Variants in SIAE observed in about 807,000 individuals in gnomAD.
SIAE encodes sialic acid acetylesterase.
SIAE carries 39 observed loss-of-function variants against 52.6 expected under a neutral mutation model. The observed-to-expected ratio is 0.74, with a 90% CI of 0.57 to 0.97. The LOEUF (loss-of-function observed/expected upper bound fraction) is 0.97. Among genes scored for constraint, SIAE ranks in the 50% least tolerant of loss-of-function variants. SIAE has a pLI of 0.00. For missense variants in SIAE, 592 were observed against 662.1 expected (o/e 0.89, Z 1.16); for synonymous variants, 233 against 241.4 (o/e 0.97, Z 0.32).
upstream of SIAE, chr11:124,674,069 A>G (rs967922874): frequency 1.1e-5 from 3 of 265,698 alleles, no homozygotes; most frequent in South Asian, 1.6e-4. Context: ...TTGGGAGCCG[A>G]GGCAGCCCAT....
chr11:124,651,145 G>T (rs1591388650), intron 4 of SIAE, among the ~76,000 whole-genome samples: 1 of 152,126 alleles, frequency 6.6e-6, no homozygotes, highest in African/African-American at 2.4e-5. Flanking sequence ...TAATTAAATG[G>T]ACAGAGCACC....
chr11:124,672,971 T>C (rs1018684521), intron 1 of SIAE, among the ~76,000 whole-genome samples: 2 of 152,198 alleles, frequency 1.3e-5, no homozygotes, highest in Admixed American at 6.5e-5. Flanking sequence ...CTCCATACTG[T>C]GACCCAGTGT....
Position 124,639,731 on chromosome 11 carries a change from T to C in SIAE, c.1103A>G (p.Asp368Gly), listed in dbSNP as rs759165250. 13 of 1,614,112 alleles carry C rather than the reference T, an allele frequency of 8.1e-6. No individual in the cohort carries two copies. Among genetic ancestry groups the C allele is most frequent in the Admixed American group, 1.7e-5 (1 of 60,028 alleles). ...TFMAVAMDLC[D>G]RDSPFGSIHP... is the part of the protein sequence containing the mutation. The stretch of plus-strand genomic sequence containing the variant: ...ATACCTGCCAAAAGGCGAGTCTCTA[T>C]CACAGAGATCCATAGCTACAGCCAT... Residue 368 changes from aspartate (D) to glycine (G), a missense_variant, in exon 8 of 10, where the codon GAT becomes GGT. By Grantham distance (94) the Asp-to-Gly change is moderately conservative (BLOSUM62 -1). Transcript: ENST00000263593.
At chr11:124,647,601 A>G (rs1318198964) in intron 6 of SIAE, 103 bp from the exon 7 acceptor site, 1 of 1,404,894 alleles carries the variant, frequency 7.1e-7, no homozygotes, top group Admixed American at 1.8e-5. Flanking sequence ...TGGTCTTCCC[A>G]CGGTCTCTCT....
At chr11:124,658,485 T>G (rs1296499856) in intron 3 of SIAE, among the ~76,000 whole-genome samples, 1 of 152,186 alleles carries the variant, frequency 6.6e-6, no homozygotes, top group Non-Finnish European at 1.5e-5. Context: ...TTCTGAGATA[T>G]TGAAAAATGG....
At position 124,638,569 on chromosome 11, in the gene SIAE, C is replaced by T. The variant is rs1433589196; in HGVS notation, c.1293G>A (p.Val431=). ...CAAATATCTTGTTGTCCTTTTTCTG[C>T]ACCTGGATTTGCTGGTAATATGTGA... ...LNLTYYQQIQ[V]QKKDNKIFEI... The change falls in exon 9 of 10, where the codon GTG becomes GTA. Residue 431 remains valine, a synonymous_variant. Coordinates refer to ENST00000263593, the MANE Select transcript of SIAE (RefSeq NM_170601.5). The T allele has an allele frequency of 1.2e-6, 2 of 1,614,140 alleles. No homozygotes were observed. Among genetic ancestry groups the T allele is most frequent in the Non-Finnish European group, 8.5e-7 (1 of 1,180,008 alleles).
chr11:124,638,788 C>T, intron 8 of SIAE, 51 bp from the exon 9 acceptor site: 1 of 1,461,458 alleles, frequency 6.8e-7, no homozygotes, highest in Non-Finnish European at 9.6e-7. Flanking sequence ...TCAACAATCA[C>T]CACATTTTTT....
intron 4 of SIAE, among the ~76,000 whole-genome samples, chr11:124,650,974 C>A (rs1249905445): frequency 6.6e-6 from 1 of 152,050 alleles, no homozygotes; most frequent in African/African-American, 2.4e-5. Context: ...CAAGAGTGAG[C>A]AATTTCATGT....
In SIAE at chr11:124,672,777, A is replaced by G. The variant is rs536594651; in HGVS notation, c.67+865T>C. Reference sequence around the variant, plus strand: ...TATGGGCTGCAGTTTGTCTGAATCTAGGTACTTTTCCGGCTCTCAGGTAGA... The same window carrying G: ...TATGGGCTGCAGTTTGTCTGAATCTGGGTACTTTTCCGGCTCTCAGGTAGA... On this transcript the variant is annotated intron_variant, in intron 1 of 9. Coordinates refer to ENST00000263593, the MANE Select transcript of SIAE (RefSeq NM_170601.5). 2.0e-5 allele frequency among the ~76,000 whole-genome samples: 3 copies of G among 152,264 alleles called. No individual in the cohort carries two copies. In the South Asian group the frequency reaches 6.2e-4, roughly 32 times the overall value.
intron 2 of SIAE, among the ~76,000 whole-genome samples, chr11:124,663,716 T>G (rs543989476): frequency 1.1e-4 from 17 of 152,336 alleles, no homozygotes; most frequent in African/African-American, 3.8e-4. Context: ...TCATAAGAAC[T>G]GGCTGGTCCT....
chr11:124,633,524 G>C lies in SIAE; in HGVS notation c.*3427C>G, dbSNP rs778349390. On this transcript the variant is annotated 3_prime_UTR_variant, in exon 10 of 10. Coordinates refer to ENST00000263593, the MANE Select transcript of SIAE (RefSeq NM_170601.5). Reference sequence around the variant, plus strand: ...ATTGCCAATTGAGGACAACACAAATGGGATTGGTACTTTATAGTAATAAAT... The same window carrying C: ...ATTGCCAATTGAGGACAACACAAATCGGATTGGTACTTTATAGTAATAAAT... 2 of 152,208 alleles carry C rather than the reference G, an allele frequency of 1.3e-5. No homozygotes were observed. Among genetic ancestry groups the C allele is most frequent in the East Asian group, 3.8e-4 (2 of 5,198 alleles). The allele number at this position is 152,208 out of a possible 1,614,324, so 9.4% of individuals were successfully genotyped here.
intron 9 of SIAE, among the ~76,000 whole-genome samples, chr11:124,637,442 G>A (rs1462631493): frequency 6.6e-6 from 1 of 152,112 alleles, no homozygotes; most frequent in Non-Finnish European, 1.5e-5. Flanking sequence ...ATTTACTGAG[G>A]GAGACAAGGA....
chr11:124,665,017 C>A (rs1434472382), intron 2 of SIAE, among the ~76,000 whole-genome samples: 2 of 152,088 alleles, frequency 1.3e-5, no homozygotes, highest in African/African-American at 4.8e-5. Context: ...CTGTTGTAAC[C>A]TGAAGTTCAT....
At position 124,639,691 on chromosome 11, in the gene SIAE, G is replaced by A; in HGVS notation, c.1124+19C>T. 1 of 1,613,902 alleles carries A rather than the reference G, an allele frequency of 6.2e-7. No homozygotes were observed. Among genetic ancestry groups the A allele is most frequent in the Non-Finnish European group, 8.5e-7 (1 of 1,179,842 alleles). ...AAAGAACATACACTGTTCATGCAAA[G>A]CCCAAGAAGCAATCATACCTGCCAA... On this transcript the variant is annotated intron_variant, in intron 8 of 9. Transcript: ENST00000263593.
chr11:124,649,809 A>G lies in SIAE; in HGVS notation c.545-13T>C, dbSNP rs751258591. 6.8e-6 allele frequency: 11 copies of G among 1,613,866 alleles called. No individual in the cohort carries two copies. Among genetic ancestry groups the G allele is most frequent in the Non-Finnish European group, 9.3e-6 (11 of 1,179,914 alleles). The stretch of plus-strand genomic sequence containing the variant: ...TGGCCTAAGTTTTCTGTTCAGAGAA[A>G]TGGTTAAAGAAAAAGAGCCAGAGAA... On this transcript the variant is annotated splice_polypyrimidine_tract_variant and intron_variant, in intron 4 of 9. Coordinates refer to ENST00000263593, the MANE Select transcript of SIAE (RefSeq NM_170601.5).
intron 3 of SIAE, among the ~76,000 whole-genome samples, chr11:124,658,363 A>T (rs79983117): frequency 7.2e-6 from 1 of 139,794 alleles, no homozygotes; most frequent in East Asian, 2.4e-4. Context: ...GATAACTATT[A>T]AAAAAAAAAA....
intron 7 of SIAE, among the ~76,000 whole-genome samples, chr11:124,641,511 G>A (rs191040935): frequency 1.1e-4 from 17 of 152,320 alleles, no homozygotes; most frequent in Admixed American, 9.8e-4. Flanking sequence ...ATAGCTGCAC[G>A]ACATCGTGAA....
intron 3 of SIAE, among the ~76,000 whole-genome samples, chr11:124,657,204 A>G (rs908930855): frequency 1.3e-5 from 2 of 152,214 alleles, no homozygotes; most frequent in African/African-American, 4.8e-5. Flanking sequence ...AAAATTCCAC[A>G]GGAAATCCAG....
In SIAE at chr11:124,637,054, TTA is replaced by T; in HGVS notation, c.1467_1468del (p.Tyr489Ter). ...ACTGGGGTGGTATAGGGGACACTGC[TTA>T]TATTCACAAGGCCACGTGGTCCAAG... On this transcript the variant is annotated stop_gained and frameshift_variant, in exon 10 of 10. Coordinates refer to ENST00000263593, the MANE Select transcript of SIAE (RefSeq NM_170601.5). LOFTEE classifies it low-confidence loss of function (END_TRUNC). The T allele has an allele frequency of 6.2e-7, 1 of 1,614,138 alleles. No homozygotes were observed. The highest frequency in any genetic ancestry group is 8.5e-7 in the Non-Finnish European group (1 of 1,180,032).
Sources: gnomAD v4.1 joint callset for allele counts (sites outside exome capture counted in the v4.1 genomes callset) on GRCh38, gnomAD v4.1.1 for gene constraint, MANE v1.5 for transcripts, NCBI Gene and HGNC (gene_info 2026-07-23, HGNC 2026-07-21) for gene names.